WDR41: variants seen among roughly 807,000 people sequenced by gnomAD.
WDR41 encodes the protein WD repeat domain 41.
WDR41 carries 63 observed loss-of-function variants against 69.3 expected under a neutral mutation model. That is an observed-to-expected ratio of 0.91 (90% CI 0.74 to 1.12). The LOEUF is 1.12. Among genes scored for constraint, WDR41 ranks in the 50% most tolerant of loss-of-function variants. The pLI is 0.00. For synonymous variants in WDR41, 185 were observed against 192.1 expected (o/e 0.96, Z 0.31); for missense variants, 543 against 534.5 (o/e 1.02, Z -0.16).
intron 6 of WDR41, chr5:77,451,817 C>T (rs1561736997): frequency 6.5e-6 from 1 of 154,646 alleles, no homozygotes; most frequent in Non-Finnish European, 1.4e-5. Context: ...CTTCAAATAG[C>T]ATGTTTGTGA....
chr5:77,482,655 C>G (rs913598260), intron 2 of WDR41, among the ~76,000 whole-genome samples: 3 of 152,024 alleles, frequency 2.0e-5, no homozygotes, highest in African/African-American at 7.2e-5. Flanking sequence ...ATTGTATACT[C>G]CATCCGGAAA....
Position 77,578,219 on chromosome 5 carries a change from G to C in WDR41, c.42+42260C>G, listed in dbSNP as rs79722800. On this transcript the variant is annotated intron_variant, in intron 1 of 5. Transcript: ENST00000509971. The stretch of plus-strand genomic sequence containing the variant: ...TTTGCAGAGCAATACGTACCCCCAG[G>C]GATTTGGAGAAAACAATAGAGACAT... Among the ~76,000 whole-genome samples the C allele has an allele frequency of 3.7e-3, 570 of 152,198 alleles. 28 individuals are homozygous for C. In the East Asian group the frequency reaches 0.095, roughly 25 times the overall value.
chr5:77,505,867 ACC>A (rs1802097033), intron 1 of WDR41, among the ~76,000 whole-genome samples: 1 of 152,156 alleles, frequency 6.6e-6, no homozygotes, highest in South Asian at 2.1e-4. Flanking sequence ...TCTTCCTTAC[ACC>A]TTATACAAAA....
chr5:77,436,049 A>C (rs1467009411), intron 12 of WDR41, among the ~76,000 whole-genome samples: 1 of 152,242 alleles, frequency 6.6e-6, no homozygotes, highest in Non-Finnish European at 1.5e-5. Flanking sequence ...CCATTCTTAA[A>C]AGCAATGCAT....
At chr5:77,497,452 T>A (rs1801950267) in intron 1 of WDR41, among the ~76,000 whole-genome samples, 1 of 152,136 alleles carries the variant, frequency 6.6e-6, no homozygotes. Context: ...TGAGTAGACA[T>A]TTCTCCAAGG....
At chr5:77,517,871 GTAGA>G (rs1802313909) in intron 1 of WDR41, among the ~76,000 whole-genome samples, 1 of 152,040 alleles carries the variant, frequency 6.6e-6, no homozygotes, top group African/African-American at 2.4e-5. Context: ...CAAAAATACT[GTAGA>G]TAAAGACATT....
intron 1 of WDR41, among the ~76,000 whole-genome samples, chr5:77,611,186 G>C (rs1182564599): frequency 6.6e-6 from 1 of 151,950 alleles, no homozygotes; most frequent in African/African-American, 2.4e-5. Context: ...AAGAGACTTA[G>C]ACTCCCACAC....
chr5:77,582,683 C>T, intron 1 of WDR41: 1 of 1,599,738 alleles, frequency 6.3e-7, no homozygotes, highest in Non-Finnish European at 8.5e-7. Context: ...GCTGTGAGCC[C>T]AAAGGTCCGA....
chr5:77,469,105 A>G (rs534010286), intron 2 of WDR41, among the ~76,000 whole-genome samples: 3 of 152,174 alleles, frequency 2.0e-5, no homozygotes, highest in African/African-American at 7.2e-5. Context: ...CATGGATGAA[A>G]CTGGAAACCA....
At chr5:77,465,721 CT>C (rs34003396) in intron 2 of WDR41, among the ~76,000 whole-genome samples, 78,832 of 143,830 alleles carry the variant, frequency 0.55, 21,303 homozygotes, top group African/African-American at 0.63. Context: ...CAAATTCAGG[CT>C]TTTTTTTTTT....
intron 1 of WDR41, among the ~76,000 whole-genome samples, chr5:77,498,538 G>T (rs941492012): frequency 2.6e-5 from 4 of 152,042 alleles, no homozygotes; most frequent in African/African-American, 9.7e-5. Flanking sequence ...ACATGGAGAG[G>T]CCAGTCATGG....
At chr5:77,617,787 T>G (rs2112352267) in intron 1 of WDR41, among the ~76,000 whole-genome samples, 1 of 152,228 alleles carries the variant, frequency 6.6e-6, no homozygotes, top group Middle Eastern at 3.4e-3. Context: ...AAGTAAAGTT[T>G]TAGAAAAAAT....
Position 77,578,057 on chromosome 5 carries a change from T to C in WDR41, c.42+42422A>G, listed in dbSNP as rs543065486. On this transcript the variant is annotated intron_variant, in intron 1 of 5. Coordinates refer to the WDR41 transcript ENST00000509971. ...CTGCCACTACCCAGCATTGCAAGAG[T>C]ATCATATTGCAAATCGCTAACCCGA... Among the ~76,000 whole-genome samples, 142 of 152,158 alleles carry C rather than the reference T, an allele frequency of 9.3e-4. 2 individuals are homozygous for C. In the South Asian group the frequency reaches 0.028, roughly 30 times the overall value.
At chr5:77,544,554 G>A (rs1743153121) in intron 1 of WDR41, among the ~76,000 whole-genome samples, 1 of 151,992 alleles carries the variant, frequency 6.6e-6, no homozygotes, top group Non-Finnish European at 1.5e-5. Flanking sequence ...TAAAGCAATA[G>A]CAGTTAAAAA....
At chr5:77,437,215 C>G in intron 11 of WDR41, 121 bp downstream of exon 11, 2 of 809,170 alleles carry the variant, frequency 2.5e-6, no homozygotes, top group Non-Finnish European at 4.1e-6. Context: ...CTATAAACAT[C>G]TGATGCCTAT....
intron 1 of WDR41, among the ~76,000 whole-genome samples, chr5:77,526,032 A>C (rs185446227): frequency 6.4e-4 from 97 of 152,350 alleles, no homozygotes; most frequent in African/African-American, 2.3e-3. Flanking sequence ...ATGTGTTAAC[A>C]TTAAGAATAT....
chr5:77,454,488 C>G (rs576129125), intron 5 of WDR41, among the ~76,000 whole-genome samples: 1 of 152,304 alleles, frequency 6.6e-6, no homozygotes, highest in East Asian at 1.9e-4. Flanking sequence ...TACTAATACA[C>G]AATTGCTTAA....
intron 1 of WDR41, among the ~76,000 whole-genome samples, chr5:77,576,995 A>G (rs1425042812): frequency 2.0e-5 from 3 of 152,208 alleles, no homozygotes; most frequent in Non-Finnish European, 4.4e-5. Flanking sequence ...CACAAAATCA[A>G]AGGAAGAGTT....
At chr5:77,556,927 A>T (rs1311170757) in intron 1 of WDR41, among the ~76,000 whole-genome samples, 1 of 152,070 alleles carries the variant, frequency 6.6e-6, no homozygotes, top group African/African-American at 2.4e-5. Flanking sequence ...GCACCAAGGG[A>T]GGGGGCACCT....
Sources: gnomAD v4.1 joint callset for allele counts (sites outside exome capture counted in the v4.1 genomes callset) on GRCh38, gnomAD v4.1.1 for gene constraint, MANE v1.5 for transcripts, NCBI Gene and HGNC (gene_info 2026-07-23, HGNC 2026-07-21) for gene names.